ONECUT2: variants seen among roughly 807,000 people sequenced by gnomAD.
ONECUT2 encodes the protein one cut domain family member 2.
A neutral mutation model predicts 27.9 loss-of-function variants in ONECUT2; 10 were observed. That is an observed-to-expected ratio of 0.36 (90% CI 0.22 to 0.61). The LOEUF (loss-of-function observed/expected upper bound fraction) is 0.61, where lower values mean the gene tolerates loss of function less well. Among genes scored for constraint, ONECUT2 ranks in the 20% least tolerant of loss-of-function variants. ONECUT2 has a pLI of 0.73. For missense variants in ONECUT2, 686 were observed against 721.0 expected (o/e 0.95, Z 0.56); for synonymous variants, 334 against 315.1 (o/e 1.06, Z -0.64).
chr18:57,458,429 G>A (rs551270811), intron 1 of ONECUT2, among the ~76,000 whole-genome samples: 4 of 152,246 alleles, frequency 2.6e-5, no homozygotes, highest in East Asian at 1.9e-4. Flanking sequence ...TAGATAGATC[G>A]ATAGGTATCT....
chr18:57,442,093 G>A (rs968435900), intron 1 of ONECUT2, among the ~76,000 whole-genome samples: 1 of 148,894 alleles, frequency 6.7e-6, no homozygotes, highest in Non-Finnish European at 1.5e-5. Context: ...CTTCCTTCCC[G>A]CTTGTGGGGG....
rs1437711579 is a variant in ONECUT2 at position 57,480,174 on chromosome 18, C to A, written c.*3451C>A. 2 of 152,164 alleles carry A rather than the reference C, an allele frequency of 1.3e-5. No homozygotes were observed. Among genetic ancestry groups the A allele is most frequent in the Admixed American group, 6.5e-5 (1 of 15,272 alleles). 9.4% of individuals were successfully genotyped at this position (152,164 alleles called of 1,614,324 possible). A position where few individuals can be genotyped will look rare whatever the true frequency, so the allele number is the denominator to read the frequency against. Reference sequence around the variant, plus strand: ...AGGAGCTGTGAGAGAATGTGACTCTCCACAATTTTTATAATTCATCCTTCC... The same window carrying A: ...AGGAGCTGTGAGAGAATGTGACTCTACACAATTTTTATAATTCATCCTTCC... On this transcript the variant is annotated 3_prime_UTR_variant, in exon 2 of 2. Transcript: ENST00000491143.
At position 57,436,089 on chromosome 18, in the gene ONECUT2, A is replaced by G. The variant is rs758581850; in HGVS notation, c.373A>G (p.Ile125Val). ...CGGCGACTACCGGCCCGAGCTCTCC[A>G]TCCCGCTGCACCACGCCATGAGCAT... is the stretch of plus-strand genomic sequence containing the variant. The part of the protein sequence containing the change: ...DGGDYRPELS[I>V]PLHHAMSMSC... Residue 125 changes from isoleucine to valine, a missense_variant, in exon 1 of 2, where the codon ATC becomes GTC. Transcript: ENST00000491143. This position sits in a 1 kb window ranked among gnomAD's most constrained non-coding sequence, Gnocchi z 5.9. 2.8e-5 allele frequency: 45 copies of G among 1,599,142 alleles called. No individual in the cohort carries two copies. Among genetic ancestry groups the G allele is most frequent in the Non-Finnish European group, 3.7e-5 (44 of 1,179,410 alleles).
In ONECUT2 at chr18:57,489,963, T is replaced by C. The variant is rs998229182; in HGVS notation, c.*13240T>C. 6.6e-6 allele frequency: 1 copy of C among 152,202 alleles called. No individual in the cohort carries two copies. The highest frequency in any genetic ancestry group is 2.4e-5 in the African/African-American group (1 of 41,454). The allele number at this position is 152,202 out of a possible 1,614,324, so 9.4% of individuals were successfully genotyped here. ...AATTCGTATCTTCGATCACCTAACC[T>C]TTCTCAATCCAAGAGCAGTTCAGTC... On this transcript the variant is annotated 3_prime_UTR_variant, in exon 2 of 2. Transcript: ENST00000491143.
intron 1 of ONECUT2, among the ~76,000 whole-genome samples, chr18:57,449,390 T>C (rs1332235883): frequency 6.6e-6 from 1 of 152,234 alleles, no homozygotes; most frequent in East Asian, 1.9e-4. Context: ...CCCCATATTA[T>C]TGTAGATGGC....
intron 1 of ONECUT2, among the ~76,000 whole-genome samples, chr18:57,452,227 TAG>T (rs1429201868): frequency 6.6e-6 from 1 of 152,160 alleles, no homozygotes; most frequent in Non-Finnish European, 1.5e-5. Context: ...GACTAGATCA[TAG>T]CAAGCAGGGA....
At position 57,489,528 on chromosome 18, in the gene ONECUT2, A is replaced by T. The variant is rs1042761193; in HGVS notation, c.*12805A>T. 6.6e-6 allele frequency: 1 copy of T among 151,980 alleles called. No individual in the cohort carries two copies. The allele number at this position is 151,980 out of a possible 1,614,324, so 9.4% of individuals were successfully genotyped here. On this transcript the variant is annotated 3_prime_UTR_variant, in exon 2 of 2. Coordinates refer to ENST00000491143, the MANE Select transcript of ONECUT2 (RefSeq NM_004852.3). The stretch of plus-strand genomic sequence containing the variant: ...CTCTGCTTGAAAATCCTATTCAAAA[A>T]GTTGTAGAGTTTGAGGTTTTTATCC...
chr18:57,472,405 C>T (rs549177454), intron 1 of ONECUT2, among the ~76,000 whole-genome samples: 1 of 152,284 alleles, frequency 6.6e-6, no homozygotes, highest in South Asian at 2.1e-4. Context: ...CAGGTGTTCT[C>T]CCTCCTGTTT....
chr18:57,450,961 T>C (rs1007398698), intron 1 of ONECUT2, among the ~76,000 whole-genome samples: 1 of 152,242 alleles, frequency 6.6e-6, no homozygotes, highest in Non-Finnish European at 1.5e-5. Context: ...AACTAGCCCT[T>C]GTCCCTTTTT....
Position 57,435,627 on chromosome 18 carries a change from C to A in ONECUT2, c.-90C>A. The A allele has an allele frequency of 2.0e-6, 2 of 982,294 alleles. No homozygotes were observed. Among genetic ancestry groups the A allele is most frequent in the Non-Finnish European group, 2.4e-6 (2 of 824,566 alleles). The allele number at this position is 982,294 out of a possible 1,614,324, so 60.8% of individuals were successfully genotyped here. ...CTCCACTCACTCCCGCGCCCGCCCC[C>A]ACTCCCGCAGCCGAGCCCCGCCACG... On this transcript the variant is annotated 5_prime_UTR_variant, in exon 1 of 2. Coordinates refer to ENST00000491143, the MANE Select transcript of ONECUT2 (RefSeq NM_004852.3).
intron 1 of ONECUT2, among the ~76,000 whole-genome samples, chr18:57,450,130 C>G (rs2050222030): frequency 6.6e-6 from 1 of 152,132 alleles, no homozygotes; most frequent in South Asian, 2.1e-4. Context: ...TTACTTACAT[C>G]TATCATTCTT....
intron 1 of ONECUT2, among the ~76,000 whole-genome samples, chr18:57,442,244 G>GTTTTTTTTTTT (rs796717767): frequency 8.9e-6 from 1 of 112,104 alleles, no homozygotes; most frequent in African/African-American, 2.8e-5. Flanking sequence ...ATTCTTCTGG[G>GTTTTTTTTTTT]TTTTTTTTTT....
chr18:57,436,062 G>A lies in ONECUT2; in HGVS notation c.346G>A (p.Gly116Ser), dbSNP rs1010681605. 2 of 1,594,804 alleles carry A rather than the reference G, an allele frequency of 1.3e-6. No individual in the cohort carries two copies. Among genetic ancestry groups the A allele is most frequent in the East Asian group, 2.2e-5 (1 of 44,760 alleles). Residue 116 changes from glycine to serine, a missense_variant, in exon 1 of 2, where the codon GGC (glycine) becomes AGC (serine). Physicochemically the swap from Gly to Ser is moderately conservative, Grantham distance 56 (BLOSUM62 0). Around this residue, in one of 4 missense-constraint regions of ONECUT2, gnomAD observed 511 missense variants for 488.1 expected, o/e 1.05. Coordinates refer to ENST00000491143, the MANE Select transcript of ONECUT2 (RefSeq NM_004852.3). The surrounding 1 kb of genome is among the most constrained non-coding windows in gnomAD (Gnocchi z 5.9). ...MVTSMASILD[G>S]GDYRPELSIP... ...CACCAGCATGGCCTCGATCCTGGAC[G>A]GCGGCGACTACCGGCCCGAGCTCTC...
chr18:57,440,815 GTT>G (rs1438645254), intron 1 of ONECUT2, among the ~76,000 whole-genome samples: 3 of 152,166 alleles, frequency 2.0e-5, no homozygotes, highest in Non-Finnish European at 4.4e-5. Context: ...CTCCCACCTC[GTT>G]TCTCGCTGCT....
rs1008917488 is a variant in ONECUT2, at chr18:57,489,532, G to A, written c.*12809G>A. 1.3e-5 allele frequency: 2 copies of A among 152,010 alleles called. No homozygotes were observed. Among genetic ancestry groups the A allele is most frequent in the African/African-American group, 4.8e-5 (2 of 41,380 alleles). 9.4% of individuals were successfully genotyped at this position (152,010 alleles called of 1,614,324 possible). A position where few individuals can be genotyped will look rare whatever the true frequency, so the allele number is the denominator to read the frequency against. On this transcript the variant is annotated 3_prime_UTR_variant, in exon 2 of 2. Transcript: ENST00000491143. ...GCTTGAAAATCCTATTCAAAAAGTT[G>A]TAGAGTTTGAGGTTTTTATCCCCCC... is the stretch of plus-strand genomic sequence containing the variant.
chr18:57,467,372 G>GA (rs2050328097), intron 1 of ONECUT2, among the ~76,000 whole-genome samples: 1 of 146,964 alleles, frequency 6.8e-6, no homozygotes, highest in Non-Finnish European at 1.5e-5. Flanking sequence ...TTGTTTGTTT[G>GA]TTTTTTTTCC....
intron 1 of ONECUT2, chr18:57,444,460 T>A (rs751696158): frequency 2.2e-6 from 1 of 456,064 alleles, no homozygotes; most frequent in Non-Finnish European, 4.4e-6. Flanking sequence ...TAAGGGTGAT[T>A]GGCAGCCATT....
At chr18:57,448,102 AGTCCTTTTG>A (rs901555037) in intron 1 of ONECUT2, among the ~76,000 whole-genome samples, 89 of 152,286 alleles carry the variant, frequency 5.8e-4, no homozygotes, top group African/African-American at 2.0e-3. Flanking sequence ...GAGATAGGAG[AGTCCTTTTG>A]GTCAATGATT....
intron 1 of ONECUT2, among the ~76,000 whole-genome samples, chr18:57,474,964 G>C (rs1348279198): frequency 6.6e-6 from 1 of 152,038 alleles, no homozygotes; most frequent in Admixed American, 6.6e-5. Flanking sequence ...GCCCCATCTG[G>C]GCCTCTGCTC....
Sources: gnomAD v4.1 joint callset for allele counts (sites outside exome capture counted in the v4.1 genomes callset) on GRCh38, gnomAD v4.1.1 for gene constraint, gnomAD v4.1.1 regional missense constraint, Gnocchi (gnomAD v3.1) non-coding constraint, MANE v1.5 for transcripts, NCBI Gene and HGNC (gene_info 2026-07-23, HGNC 2026-07-21) for gene names.